Variants in ST18 observed in about 807,000 individuals in gnomAD.
The protein encoded by ST18 is ST18 C2H2C-type zinc finger transcription factor, also known as suppression of tumorigenicity 18 protein.
A neutral mutation model predicts 110.0 loss-of-function variants in ST18; 50 were observed. That is an observed-to-expected ratio of 0.45 (90% CI 0.36 to 0.58). ST18 has a LOEUF of 0.58. ST18 is among the 20% of genes least tolerant of loss of function. The pLI is 0.00. For missense variants in ST18, 1,306 were observed against 1,280.1 expected (o/e 1.02, Z -0.31); for synonymous variants, 461 against 452.4 (o/e 1.02, Z -0.24).
At chr8:52,164,350 A>C (rs1490853312) in intron 12 of ST18, among the ~76,000 whole-genome samples, 1 of 152,214 alleles carries the variant, frequency 6.6e-6, no homozygotes, top group Non-Finnish European at 1.5e-5. Flanking sequence ...TAAATAACTA[A>C]AGCATTTGGA....
In ST18 at chr8:52,324,399, A is replaced by G. The variant is rs1490757337; in HGVS notation, c.-465+84929T>C. Among the ~76,000 whole-genome samples the G allele has an allele frequency of 2.0e-5, 3 of 152,286 alleles. No homozygotes were observed. In the East Asian group the frequency reaches 5.8e-4, roughly 29 times the overall value. On this transcript the variant is annotated intron_variant, in intron 2 of 25. Transcript: ENST00000689386. The stretch of plus-strand genomic sequence containing the variant: ...GACCAGATAGAGGTCTCAAGTGTGT[A>G]GCATGGGTCATAAGAGTTCTGGGGA...
chr8:52,235,987 GAAGA>G (rs2092604923), intron 2 of ST18, among the ~76,000 whole-genome samples: 1 of 152,124 alleles, frequency 6.6e-6, no homozygotes. Context: ...AAAGATAATA[GAAGA>G]AATAAAATAT....
intron 2 of ST18, among the ~76,000 whole-genome samples, chr8:52,305,152 A>G (rs999952207): frequency 6.6e-6 from 1 of 152,234 alleles, no homozygotes; most frequent in African/African-American, 2.4e-5. Flanking sequence ...CCAATGTAGC[A>G]TAAGAATAAA....
chr8:52,406,267 T>C (rs1360917776), intron 2 of ST18: 1 of 152,242 alleles, frequency 6.6e-6, no homozygotes, highest in Non-Finnish European at 1.5e-5. Flanking sequence ...TCCTCTGTTC[T>C]TCAGGAACTT....
At chr8:52,299,515 C>G (rs1052194299) in intron 2 of ST18, among the ~76,000 whole-genome samples, 2 of 152,204 alleles carry the variant, frequency 1.3e-5, no homozygotes, top group Non-Finnish European at 2.9e-5. Flanking sequence ...ATTTTCTACT[C>G]TAAATTGGAT....
At chr8:52,115,931 A>C (rs1296635933) in intron 25 of ST18, among the ~76,000 whole-genome samples, 1 of 152,150 alleles carries the variant, frequency 6.6e-6, no homozygotes, top group African/African-American at 2.4e-5. Flanking sequence ...TAATGGTCTC[A>C]AATTTTGTAA....
intron 2 of ST18, among the ~76,000 whole-genome samples, chr8:52,300,752 A>G (rs2139523809): frequency 6.6e-6 from 1 of 152,318 alleles, no homozygotes; most frequent in East Asian, 1.9e-4. Flanking sequence ...CTTTCATGCT[A>G]GAAGAGCAGA....
chr8:52,321,787 T>C (rs1025620799), intron 2 of ST18, among the ~76,000 whole-genome samples: 2 of 152,188 alleles, frequency 1.3e-5, no homozygotes, highest in Non-Finnish European at 2.9e-5. Context: ...TTTTTTAAAA[T>C]TCCTTGCAGA....
intron 25 of ST18, 60 bp from the exon 26 acceptor site, chr8:52,113,398 G>A: frequency 6.3e-7 from 1 of 1,586,338 alleles, no homozygotes; most frequent in Non-Finnish European, 8.6e-7. Flanking sequence ...GGAAAAGAAG[G>A]ACCCAGTGAC....
chr8:52,235,006 G>T (rs1373019484), intron 2 of ST18, among the ~76,000 whole-genome samples: 1 of 151,796 alleles, frequency 6.6e-6, no homozygotes, highest in Non-Finnish European at 1.5e-5. Flanking sequence ...CTACAAATTG[G>T]GTTCAGTGCA....
intron 10 of ST18, among the ~76,000 whole-genome samples, chr8:52,168,209 G>T: frequency 6.7e-6 from 1 of 149,530 alleles, no homozygotes; most frequent in South Asian, 2.2e-4. Context: ...AGGACAGGAG[G>T]CTATCGGGGT....
intron 2 of ST18, among the ~76,000 whole-genome samples, chr8:52,326,425 G>A (rs1422456179): frequency 6.6e-6 from 1 of 152,148 alleles, no homozygotes; most frequent in Non-Finnish European, 1.5e-5. Context: ...AGTATGTGAA[G>A]GTTTACATGA....
intron 9 of ST18, among the ~76,000 whole-genome samples, chr8:52,179,581 A>G (rs2068500290): frequency 6.6e-6 from 1 of 152,152 alleles, no homozygotes; most frequent in Non-Finnish European, 1.5e-5. Flanking sequence ...TATTAAGGCC[A>G]CAGACCACTT....
intron 2 of ST18, among the ~76,000 whole-genome samples, chr8:52,260,302 T>G (rs1589396610): frequency 6.6e-6 from 1 of 152,324 alleles, no homozygotes; most frequent in South Asian, 2.1e-4. Context: ...ATGTCTATAT[T>G]TATATCTTTT....
chr8:52,165,069 T>G, intron 12 of ST18, 66 bp downstream of exon 12: 9 of 1,497,960 alleles, frequency 6.0e-6, no homozygotes, highest in Non-Finnish European at 8.4e-6. Context: ...AACCCATTAT[T>G]TTATTGGTGG....
intron 2 of ST18, among the ~76,000 whole-genome samples, chr8:52,274,354 G>A (rs757099864): frequency 1.3e-5 from 2 of 151,998 alleles, no homozygotes; most frequent in African/African-American, 2.4e-5. Flanking sequence ...ACATTCACAC[G>A]TGTATATACA....
chr8:52,140,842 T>C (rs1016039669), intron 17 of ST18, among the ~76,000 whole-genome samples: 6 of 152,132 alleles, frequency 3.9e-5, no homozygotes, highest in African/African-American at 1.2e-4. Flanking sequence ...TTTCCAACAA[T>C]CTACCTTCAA....
In ST18 at chr8:52,315,125, T is replaced by C. The variant is rs570913759; in HGVS notation, c.-464-85048A>G. On this transcript the variant is annotated intron_variant, in intron 2 of 25. Transcript: ENST00000689386. ...CTACATTGCTTATCCAGAAGTAAAA[T>C]AAGCTAAAACAATTAAAGTAGTGTT... Among the ~76,000 whole-genome samples, 21 of 152,292 alleles carry C rather than the reference T, an allele frequency of 1.4e-4. No individual in the cohort carries two copies. In the East Asian group the frequency reaches 4.0e-3, roughly 29 times the overall value.
chr8:52,133,061 G>T lies in ST18; in HGVS notation c.2440C>A (p.Leu814Met), dbSNP rs2050372435. 3.7e-6 allele frequency: 6 copies of T among 1,614,122 alleles called. No individual in the cohort carries two copies. Among genetic ancestry groups the T allele is most frequent in the Non-Finnish European group, 5.1e-6 (6 of 1,180,014 alleles). Reference sequence around the variant, plus strand: ...TGTCTCAACTGTTGCACTTACTTCAGTTCAGGGTCTTCTTTTTCTTCCTTG... The same window carrying T: ...TGTCTCAACTGTTGCACTTACTTCATTTCAGGGTCTTCTTTTTCTTCCTTG... ...PTKEEKEDPE[L>M]KCPVIGCDGQ... The change falls in exon 21 of 26, where the codon CTG becomes ATG. Residue 814 changes from leucine to methionine, a missense_variant. Transcript: ENST00000689386.
Sources: gnomAD v4.1 joint callset for allele counts (sites outside exome capture counted in the v4.1 genomes callset) on GRCh38, gnomAD v4.1.1 for gene constraint, MANE v1.5 for transcripts, NCBI Gene and HGNC (gene_info 2026-07-23, HGNC 2026-07-21) for gene names.